The following THSD4 variants were observed in gnomAD, a reference collection of about 807,000 sequenced individuals.
THSD4 encodes the protein thrombospondin type-1 domain-containing protein 4.
Under a neutral mutation model 119.0 loss-of-function variants are expected in THSD4, and 69 were observed. The observed-to-expected ratio is 0.58, with a 90% confidence interval of 0.48 to 0.71. The LOEUF is 0.71. Among genes scored for constraint, THSD4 ranks in the 30% least tolerant of loss-of-function variants. THSD4 has a pLI of 0.00. For synonymous variants in THSD4, 524 were observed against 540.4 expected, an observed-to-expected ratio of 0.97 and a Z score of 0.42; for missense variants, 1,393 against 1,391.1, an observed-to-expected ratio of 1.00 and a Z score of -0.02.
intron 3 of THSD4, among the ~76,000 whole-genome samples, chr15:71,157,001 A>G (rs1034080962): frequency 6.6e-6 from 1 of 152,216 alleles, no homozygotes; most frequent in Non-Finnish European, 1.5e-5. Flanking sequence ...GGAGTCAGAA[A>G]GGACAACTGC....
chr15:71,536,065 T>C (rs142889415), intron 7 of THSD4, among the ~76,000 whole-genome samples: 30 of 152,356 alleles, frequency 2.0e-4, no homozygotes, highest in African/African-American at 7.2e-4. Flanking sequence ...TTAGCTCTTA[T>C]AGTCAGGTCT....
At chr15:71,674,712 CCATA>C (rs1168852589) in intron 8 of THSD4, among the ~76,000 whole-genome samples, 8 of 152,158 alleles carry the variant, frequency 5.3e-5, no homozygotes, top group Non-Finnish European at 1.0e-4. Flanking sequence ...CACCCGCTCC[CCATA>C]CATTTGGCAA....
At chr15:71,448,286 G>A (rs1260394709) in intron 7 of THSD4, among the ~76,000 whole-genome samples, 4 of 152,120 alleles carry the variant, frequency 2.6e-5, no homozygotes, top group East Asian at 1.9e-4. Flanking sequence ...GAAGACTGAC[G>A]CCCAGAGAAA....
chr15:71,430,246 C>A (rs1363974940), intron 7 of THSD4, among the ~76,000 whole-genome samples: 1 of 152,074 alleles, frequency 6.6e-6, no homozygotes, highest in Non-Finnish European at 1.5e-5. Flanking sequence ...ACAGATGCAC[C>A]ATTGTTTTCT....
intron 2 of THSD4, 95 bp from the exon 3 acceptor site, chr15:71,154,768 C>A: frequency 1.6e-6 from 2 of 1,264,560 alleles, no homozygotes; most frequent in South Asian, 1.2e-5. Context: ...GCTGTTCCCC[C>A]CCCATCCACT....
chr15:71,514,862 T>G (rs908860751), intron 7 of THSD4, among the ~76,000 whole-genome samples: 23 of 152,202 alleles, frequency 1.5e-4, no homozygotes, highest in Admixed American at 1.4e-3. Context: ...AGGGTATAAT[T>G]TCTATTGGAT....
chr15:71,722,048 G>A (rs940275456), intron 8 of THSD4, among the ~76,000 whole-genome samples: 6 of 152,048 alleles, frequency 3.9e-5, no homozygotes, highest in Non-Finnish European at 1.5e-5. Flanking sequence ...ATAGCCATGA[G>A]GTTGCCCTTC....
At chr15:71,234,799 C>A (rs1423260372) in intron 4 of THSD4, among the ~76,000 whole-genome samples, 1 of 152,190 alleles carries the variant, frequency 6.6e-6, no homozygotes, top group African/African-American at 2.4e-5. Context: ...CTGGCGCTAT[C>A]ATCCTCAGTC....
intron 8 of THSD4, among the ~76,000 whole-genome samples, chr15:71,722,846 A>G (rs2052748435): frequency 1.3e-5 from 2 of 152,196 alleles, no homozygotes; most frequent in African/African-American, 4.8e-5. Context: ...CATTTTATGT[A>G]TATATTTTCT....
Position 71,777,417 on chromosome 15 carries a change from C to T in THSD4, c.*43C>T, listed in dbSNP as rs199562579. On this transcript the variant is annotated 3_prime_UTR_variant, in exon 18 of 18. Transcript: ENST00000261862. ...CAGTAGGGCAGCATCACTGCCTTCC[C>T]GGGGGCTTCAGCAGTGCGCCTGGCT... 51 of 1,587,734 alleles carry T rather than the reference C, an allele frequency of 3.2e-5. No homozygotes were observed. Among genetic ancestry groups the T allele is most frequent in the African/African-American group, 2.8e-4 (21 of 74,466 alleles).
intron 7 of THSD4, among the ~76,000 whole-genome samples, chr15:71,635,653 A>G (rs576855975): frequency 1.3e-5 from 2 of 152,328 alleles, no homozygotes; most frequent in African/African-American, 2.4e-5. Context: ...AATCAAAAAC[A>G]TACCAGACAA....
intron 6 of THSD4, among the ~76,000 whole-genome samples, chr15:71,309,176 C>A (rs1341743655): frequency 6.6e-6 from 1 of 152,194 alleles, no homozygotes; most frequent in Non-Finnish European, 1.5e-5. Flanking sequence ...TCTTGAACTC[C>A]TGAGCTCAGG....
chr15:71,618,510 C>T (rs1195698715), intron 7 of THSD4, among the ~76,000 whole-genome samples: 5 of 152,142 alleles, frequency 3.3e-5, no homozygotes, highest in East Asian at 1.9e-4. Flanking sequence ...GGATATACCC[C>T]GGCATCACAG....
chr15:71,546,740 C>G (rs897447152), intron 7 of THSD4, among the ~76,000 whole-genome samples: 2 of 152,216 alleles, frequency 1.3e-5, no homozygotes, highest in Non-Finnish European at 1.5e-5. Flanking sequence ...CACACATCAC[C>G]CTTGTGACTT....
At chr15:71,368,566 G>C (rs1224445657) in intron 6 of THSD4, among the ~76,000 whole-genome samples, 23 of 152,196 alleles carry the variant, frequency 1.5e-4, no homozygotes, top group Admixed American at 8.5e-4. Context: ...TCTTGTTTTT[G>C]TCAGGTTTGT....
At chr15:71,409,504 T>A (rs771902105) in intron 6 of THSD4, among the ~76,000 whole-genome samples, 2 of 152,208 alleles carry the variant, frequency 1.3e-5, no homozygotes, top group Non-Finnish European at 2.9e-5. Flanking sequence ...GATGATTTCG[T>A]TTGAAATAAA....
At chr15:71,097,032 G>A (rs551108519) in intron 1 of THSD4, 1 of 152,258 alleles carries the variant, frequency 6.6e-6, no homozygotes, top group South Asian at 2.1e-4. Context: ...TTATATTAGG[G>A]GAAAACAGTG....
intron 3 of THSD4, among the ~76,000 whole-genome samples, chr15:71,193,161 T>C (rs1320410555): frequency 6.6e-6 from 1 of 151,990 alleles, no homozygotes; most frequent in African/African-American, 2.4e-5. Flanking sequence ...GAAATCTGAG[T>C]GTTGGCACAA....
intron 6 of THSD4, among the ~76,000 whole-genome samples, chr15:71,274,573 A>G (rs1340784383): frequency 6.6e-6 from 1 of 151,962 alleles, no homozygotes; most frequent in Non-Finnish European, 1.5e-5. Context: ...TTCTCCCACC[A>G]CTGCTGCCAA....
Sources: gnomAD v4.1 joint callset for allele counts (sites outside exome capture counted in the v4.1 genomes callset) on GRCh38, gnomAD v4.1.1 for gene constraint, MANE v1.5 for transcripts, NCBI Gene and HGNC (gene_info 2026-07-23, HGNC 2026-07-21) for gene names.